Variants in RORA observed in about 807,000 individuals in gnomAD.
The protein encoded by RORA is RAR related orphan receptor A, also known as nuclear receptor ROR-alpha.
RORA carries 7 observed loss-of-function variants against 69.5 expected under a neutral mutation model. The observed-to-expected ratio is 0.10, with a 90% confidence interval of 0.06 to 0.19. The LOEUF is 0.19. RORA is among the 10% of genes least tolerant of loss of function. The probability of loss-of-function intolerance (pLI) is 1.00; values close to 1 mark genes in which losing one functional copy is unlikely to be tolerated. For synonymous variants in RORA, 261 were observed against 240.8 expected (o/e 1.08, Z -0.78); for missense variants, 457 against 663.0 (o/e 0.69, Z 3.41).
chr15:60,819,668 C>T (rs1229711123), intron 1 of RORA, among the ~76,000 whole-genome samples: 7 of 151,542 alleles, frequency 4.6e-5, no homozygotes, highest in Admixed American at 4.6e-4. Context: ...TTTCCTCGGA[C>T]CTGAGTGGAT....
At chr15:60,932,934 A>C (rs566497563) in intron 1 of RORA, among the ~76,000 whole-genome samples, 1 of 152,290 alleles carries the variant, frequency 6.6e-6, no homozygotes, top group South Asian at 2.1e-4. Flanking sequence ...ATCCCTGAAG[A>C]GTGTTGATGG....
At chr15:60,746,692 G>C (rs1595680672) in intron 1 of RORA, among the ~76,000 whole-genome samples, 1 of 152,162 alleles carries the variant, frequency 6.6e-6, no homozygotes, top group Non-Finnish European at 1.5e-5. Flanking sequence ...ACTGTGTCTT[G>C]CTATGACTGT....
rs1386554810 is a variant in RORA at position 60,493,575 on chromosome 15, A to G, written c.*3880T>C. 6.6e-6 allele frequency: 1 copy of G among 152,234 alleles called. No homozygotes were observed. Among genetic ancestry groups the G allele is most frequent in the East Asian group, 1.9e-4 (1 of 5,204 alleles). The allele number at this position is 152,234 out of a possible 1,614,324, so 9.4% of individuals were successfully genotyped here. ...AAAACACACATTTCTACTATGGCAC[A>G]TTCAATGAAATAAAAAGTTTTCCAA... On this transcript the variant is annotated 3_prime_UTR_variant, in exon 11 of 11. Coordinates refer to ENST00000335670, the MANE Select transcript of RORA (RefSeq NM_134261.3).
At chr15:60,500,705 T>C (rs982819364) in intron 9 of RORA, among the ~76,000 whole-genome samples, 1 of 152,218 alleles carries the variant, frequency 6.6e-6, no homozygotes, top group African/African-American at 2.4e-5. Flanking sequence ...AATTCTGGAC[T>C]GGATTTTGTT....
At chr15:60,938,144 A>G (rs528743134) in intron 1 of RORA, among the ~76,000 whole-genome samples, 1 of 152,304 alleles carries the variant, frequency 6.6e-6, no homozygotes, top group East Asian at 1.9e-4. Context: ...TTGAGGGCCA[A>G]AAAGTTGCTG....
chr15:60,774,555 C>T (rs893235432), intron 1 of RORA, among the ~76,000 whole-genome samples: 1 of 152,206 alleles, frequency 6.6e-6, no homozygotes, highest in Non-Finnish European at 1.5e-5. Context: ...TCTCTGGTTT[C>T]CCTACCCTGC....
chr15:61,036,613 C>A (rs965438746), intron 1 of RORA, among the ~76,000 whole-genome samples: 1 of 152,058 alleles, frequency 6.6e-6, no homozygotes, highest in Non-Finnish European at 1.5e-5. Context: ...CCATTAAACA[C>A]TCATTCTACC....
intron 1 of RORA, among the ~76,000 whole-genome samples, chr15:60,712,395 T>C (rs1004072350): frequency 6.6e-6 from 1 of 152,220 alleles, no homozygotes; most frequent in African/African-American, 2.4e-5. Context: ...GTGACTGCCA[T>C]CTTTAGCCAG....
chr15:60,803,548 G>A (rs550605562), intron 1 of RORA, among the ~76,000 whole-genome samples: 62 of 152,324 alleles, frequency 4.1e-4, no homozygotes, highest in African/African-American at 1.5e-3. Flanking sequence ...TGGGTTCAGA[G>A]CCCACAAGGC....
At chr15:61,062,574 C>G (rs772523418) in intron 1 of RORA, among the ~76,000 whole-genome samples, 2 of 152,184 alleles carry the variant, frequency 1.3e-5, no homozygotes, top group Non-Finnish European at 2.9e-5. Context: ...GAGGAAACAG[C>G]TTGGGTAAAA....
intron 1 of RORA, among the ~76,000 whole-genome samples, chr15:60,884,994 T>C (rs1409910744): frequency 1.3e-5 from 2 of 152,196 alleles, no homozygotes; most frequent in Non-Finnish European, 2.9e-5. Flanking sequence ...GTTTGGACCA[T>C]AGCAAGCCCT....
chr15:60,996,071 GTTTT>G (rs35698487), intron 1 of RORA, among the ~76,000 whole-genome samples: 1 of 135,228 alleles, frequency 7.4e-6, no homozygotes, highest in Admixed American at 7.4e-5. Context: ...CTTGTTTTTT[GTTTT>G]TTTTTTTTTT....
At chr15:61,087,037 C>A (rs1159926294) in intron 1 of RORA, among the ~76,000 whole-genome samples, 4 of 152,104 alleles carry the variant, frequency 2.6e-5, no homozygotes, top group Non-Finnish European at 5.9e-5. Flanking sequence ...CCAGCCATGG[C>A]AGTGTGGCCT....
chr15:60,549,341 TTTG>T (rs1168277183), intron 2 of RORA, among the ~76,000 whole-genome samples: 3 of 152,206 alleles, frequency 2.0e-5, no homozygotes, highest in Middle Eastern at 3.4e-3. Flanking sequence ...CCAGGGCATA[TTTG>T]TTGTTGTTAT....
chr15:60,786,153 G>A (rs542360917), intron 1 of RORA, among the ~76,000 whole-genome samples: 5 of 152,300 alleles, frequency 3.3e-5, no homozygotes, highest in South Asian at 2.1e-4. Flanking sequence ...ATACATACAC[G>A]ACATCACTAC....
At position 61,174,270 on chromosome 15, in the gene RORA, C is replaced by T. The variant is rs545306446; in HGVS notation, c.166+54783G>A. Reference sequence around the variant, plus strand: ...ACGTCCCCCCTGCCCCCACACCACCCAGCTTACATTCTGCCTTCTTCCATA... The same window carrying T: ...ACGTCCCCCCTGCCCCCACACCACCTAGCTTACATTCTGCCTTCTTCCATA... On this transcript the variant is annotated intron_variant, in intron 1 of 10. Coordinates refer to ENST00000335670, the MANE Select transcript of RORA (RefSeq NM_134261.3). Among the ~76,000 whole-genome samples the T allele has an allele frequency of 3.3e-5, 5 of 152,334 alleles. No homozygotes were observed. The South Asian group carries it at 8.3e-4, about 25-fold the overall frequency.
At chr15:60,576,668 G>T (rs1454600237) in intron 2 of RORA, among the ~76,000 whole-genome samples, 3 of 152,220 alleles carry the variant, frequency 2.0e-5, no homozygotes, top group Non-Finnish European at 4.4e-5. Flanking sequence ...GTCACACTCA[G>T]GTGCTGACAG....
At chr15:60,673,704 C>A (rs569839478) in intron 2 of RORA, among the ~76,000 whole-genome samples, 1 of 152,308 alleles carries the variant, frequency 6.6e-6, no homozygotes, top group African/African-American at 2.4e-5. Flanking sequence ...TTTGTGTTTT[C>A]AGATTGTTTT....
At chr15:61,205,236 A>G (rs979747545) in intron 1 of RORA, among the ~76,000 whole-genome samples, 1 of 152,208 alleles carries the variant, frequency 6.6e-6, no homozygotes, top group African/African-American at 2.4e-5. Flanking sequence ...TTCCTCAGCC[A>G]ATGCCAACTT....
Sources: allele counts gnomAD v4.1 joint callset (sites outside exome capture counted in the v4.1 genomes callset), GRCh38; gene constraint gnomAD v4.1.1; transcripts MANE v1.5; gene names NCBI Gene and HGNC (gene_info 2026-07-23, HGNC 2026-07-21).